TRAPPC10: variants seen among roughly 807,000 people sequenced by gnomAD.
TRAPPC10 encodes the protein TRAPP 130 kDa subunit.
Under a neutral mutation model 125.5 loss-of-function variants are expected in TRAPPC10, and 23 were observed. That is an observed-to-expected ratio of 0.18 (90% CI 0.13 to 0.26). TRAPPC10 has a LOEUF of 0.26. TRAPPC10 is among the 10% of genes least tolerant of loss of function. TRAPPC10 has a pLI of 1.00. For missense variants in TRAPPC10, 1,123 were observed against 1,308.4 expected (o/e 0.86, Z 2.19); for synonymous variants, 509 against 518.0 (o/e 0.98, Z 0.24).
chr21:44,092,010 C>T lies in TRAPPC10; in HGVS notation c.2958C>T (p.Thr986=), dbSNP rs760934394. Residue 986 remains threonine (T), a synonymous_variant, in exon 19 of 23, where the codon ACC becomes ACT. Coordinates refer to ENST00000291574, the MANE Select transcript of TRAPPC10 (RefSeq NM_003274.5). ...ATCTTGTAGATACCGGTGATAGTAC[C>T]GACCTGCAACTAGTACCACTGAACA... ...DSYLVDTGDS[T]DLQLVPLNTQ... The T allele has an allele frequency of 6.8e-6, 11 of 1,614,098 alleles. No individual in the cohort carries two copies. The highest frequency in any genetic ancestry group is 1.1e-5 in the South Asian group (1 of 91,076).
chr21:44,038,072 G>A (rs914852646), intron 3 of TRAPPC10, 145 bp downstream of exon 3: 7 of 1,190,582 alleles, frequency 5.9e-6, no homozygotes, highest in Non-Finnish European at 8.3e-6. Flanking sequence ...GTACCAGTGG[G>A]GGAAGAGGAC....
chr21:44,091,982 G>A lies in TRAPPC10; in HGVS notation c.2930G>A (p.Ser977Asn). The part of the protein sequence containing the change: ...LSELDFQLSD[S>N]YLVDTGDSTD... ...GAACTTGACTTTCAGCTGTCAGATA[G>A]TTATCTTGTAGATACCGGTGATAGT... is the stretch of plus-strand genomic sequence containing the variant. Residue 977 changes from serine (S) to asparagine (N), a missense_variant, in exon 19 of 23, where the codon AGT becomes AAT. Ser to Asn is a conservative substitution (Grantham distance 46, BLOSUM62 1). This residue lies in a region of TRAPPC10 where 840 missense variants were observed against 902.0 expected (regional missense o/e 0.93). Coordinates refer to ENST00000291574, the MANE Select transcript of TRAPPC10 (RefSeq NM_003274.5). The A allele has an allele frequency of 6.2e-7, 1 of 1,614,188 alleles. No homozygotes were observed. Among genetic ancestry groups the A allele is most frequent in the Non-Finnish European group, 8.5e-7 (1 of 1,180,030 alleles).
chr21:44,083,093 T>G lies in TRAPPC10; in HGVS notation c.2029T>G (p.Tyr677Asp). The change falls in exon 14 of 23, where the codon TAT becomes GAT. Residue 677 changes from tyrosine (Y) to aspartate (D), a missense_variant. Coordinates refer to ENST00000291574, the MANE Select transcript of TRAPPC10 (RefSeq NM_003274.5). ...AAACAGTTTGCCCGCGCTGGAGTTG[T>G]ATGAAATGTTTGAGAGAAGCCCATC... is the stretch of plus-strand genomic sequence containing the variant. Reference protein sequence around the residue: ...SQNSLPALELYEMFERSPSDN... With the variant: ...SQNSLPALELDEMFERSPSDN... The G allele has an allele frequency of 6.2e-7, 1 of 1,614,134 alleles. No individual in the cohort carries two copies. The highest frequency in any genetic ancestry group is 8.5e-7 in the Non-Finnish European group (1 of 1,180,018).
chr21:44,047,774 C>A (rs1055228970), intron 3 of TRAPPC10, among the ~76,000 whole-genome samples: 1 of 152,128 alleles, frequency 6.6e-6, no homozygotes, highest in Non-Finnish European at 1.5e-5. Context: ...CTAAAAGTTC[C>A]ATATGGGTCT....
At chr21:44,071,208 C>G (rs189580862) in intron 7 of TRAPPC10, among the ~76,000 whole-genome samples, 3 of 152,142 alleles carry the variant, frequency 2.0e-5, no homozygotes, top group Non-Finnish European at 2.9e-5. Flanking sequence ...AGTCAGGAGC[C>G]GGGTGCCTCT....
chr21:44,090,348 T>A (rs897481099), intron 18 of TRAPPC10, among the ~76,000 whole-genome samples: 1 of 152,226 alleles, frequency 6.6e-6, no homozygotes, highest in Non-Finnish European at 1.5e-5. Flanking sequence ...CTGCAACCTC[T>A]AGAACAGGAG....
chr21:44,044,767 G>A (rs1197951779), intron 3 of TRAPPC10, among the ~76,000 whole-genome samples: 7 of 146,490 alleles, frequency 4.8e-5, no homozygotes, highest in African/African-American at 7.7e-5. Flanking sequence ...AGGTTCAATC[G>A]ATACTCCTGC....
chr21:44,071,439 T>C (rs946456511), intron 7 of TRAPPC10, among the ~76,000 whole-genome samples: 32 of 152,336 alleles, frequency 2.1e-4, no homozygotes, highest in African/African-American at 7.7e-4. Flanking sequence ...TTCGTTAACA[T>C]GTCTGGAAGT....
chr21:44,029,964 A>G (rs2838471), intron 1 of TRAPPC10, among the ~76,000 whole-genome samples: 53,976 of 152,132 alleles, frequency 0.35, 13,578 homozygotes, highest in African/African-American at 0.72. Flanking sequence ...TCAAATTCCT[A>G]CTTAGGTCAG....
intron 1 of TRAPPC10, among the ~76,000 whole-genome samples, chr21:44,031,646 A>T (rs937006371): frequency 6.6e-6 from 1 of 152,218 alleles, no homozygotes; most frequent in Non-Finnish European, 1.5e-5. Context: ...GGAGCCACCT[A>T]TAAATTTTAG....
chr21:44,013,802 T>G (rs2147094928), intron 1 of TRAPPC10, among the ~76,000 whole-genome samples: 1 of 152,366 alleles, frequency 6.6e-6, no homozygotes, highest in South Asian at 2.1e-4. Flanking sequence ...CATTTAAAAT[T>G]GGAGACTTGC....
chr21:44,038,020 G>A (rs1289632725), intron 3 of TRAPPC10, 93 bp downstream of exon 3: 8 of 1,508,064 alleles, frequency 5.3e-6, no homozygotes, highest in South Asian at 2.5e-5. Context: ...AAGAGGACGC[G>A]TGGTGGGGTG....
In TRAPPC10 at chr21:44,077,885, C is replaced by T. The variant is rs530340367; in HGVS notation, c.1469+101C>T. ...TATAAAGTGCACATAAATTTGTAGA[C>T]TGAAAAGTGTAGATTCTCTTACCCA... On this transcript the variant is annotated intron_variant, in intron 11 of 22. Coordinates refer to ENST00000291574, the MANE Select transcript of TRAPPC10 (RefSeq NM_003274.5). The T allele has an allele frequency of 3.6e-4, 308 of 846,550 alleles. 2 individuals carry two copies. The Middle Eastern group carries it at 8.0e-3, about 22-fold the overall frequency. 52.4% of individuals were successfully genotyped at this position (846,550 alleles called of 1,614,324 possible).
chr21:44,057,736 T>C (rs2035717348), intron 5 of TRAPPC10, among the ~76,000 whole-genome samples: 1 of 152,238 alleles, frequency 6.6e-6, no homozygotes, highest in Admixed American at 6.5e-5. Flanking sequence ...TAGCAGTTTC[T>C]CTTGCAAAAC....
chr21:44,048,960 T>G (rs2035052978), intron 3 of TRAPPC10, among the ~76,000 whole-genome samples: 1 of 152,172 alleles, frequency 6.6e-6, no homozygotes, highest in African/African-American at 2.4e-5. Context: ...GATGTGCAGA[T>G]TGTTCTGAAT....
At chr21:44,054,665 C>T (rs995944543) in intron 4 of TRAPPC10, among the ~76,000 whole-genome samples, 1 of 152,154 alleles carries the variant, frequency 6.6e-6, no homozygotes, top group Admixed American at 6.5e-5. Flanking sequence ...TGTGTTTGAC[C>T]TTTTTACATC....
intron 7 of TRAPPC10, among the ~76,000 whole-genome samples, chr21:44,069,156 G>A (rs891308997): frequency 1.3e-5 from 2 of 152,130 alleles, no homozygotes; most frequent in Admixed American, 1.3e-4. Flanking sequence ...TGCACCAGCC[G>A]TGAAGGAAGA....
At chr21:44,036,889 C>T (rs913177903) in intron 2 of TRAPPC10, among the ~76,000 whole-genome samples, 4 of 151,956 alleles carry the variant, frequency 2.6e-5, no homozygotes, top group South Asian at 4.1e-4. Context: ...ATGCAACCAA[C>T]GGTAGAATAG....
At chr21:44,080,180 TA>T (rs1264508803) in intron 13 of TRAPPC10, 53 bp downstream of exon 13, 5 of 1,466,464 alleles carry the variant, frequency 3.4e-6, no homozygotes, top group South Asian at 1.2e-5. Flanking sequence ...ATTACAGAAG[TA>T]AAAAAGAATA....
Sources: allele counts gnomAD v4.1 joint callset (sites outside exome capture counted in the v4.1 genomes callset), GRCh38; gene constraint gnomAD v4.1.1; regional missense constraint gnomAD v4.1.1; transcripts MANE v1.5; gene names NCBI Gene and HGNC (gene_info 2026-07-23, HGNC 2026-07-21).